FNBP1L: variants seen among roughly 807,000 people sequenced by gnomAD.
The protein encoded by FNBP1L is formin binding protein 1 like, also known as formin-binding protein 1-like.
FNBP1L carries 36 observed loss-of-function variants against 91.2 expected under a neutral mutation model. The ratio of observed to expected loss-of-function variants is 0.39; its 90% CI spans 0.30 to 0.52. The LOEUF (loss-of-function observed/expected upper bound fraction) is 0.52. FNBP1L is among the 20% of genes least tolerant of loss of function. The pLI is 0.66. For missense variants in FNBP1L, 571 were observed against 732.1 expected (o/e 0.78, Z 2.54); for synonymous variants, 242 against 237.0 (o/e 1.02, Z -0.19).
At chr1:93,550,880 T>C (rs1040276065) in intron 15 of FNBP1L, 67 bp from the exon 16 acceptor site, 6 of 1,366,796 alleles carry the variant, frequency 4.4e-6, no homozygotes, top group Non-Finnish European at 5.8e-6. Context: ...ATTTTGTGCA[T>C]TGTATTAGTA....
At chr1:93,482,243 A>C (rs1669733889) in intron 1 of FNBP1L, among the ~76,000 whole-genome samples, 1 of 152,128 alleles carries the variant, frequency 6.6e-6, no homozygotes, top group East Asian at 1.9e-4. Flanking sequence ...TGTTTGCCTT[A>C]TTTTCATTTC....
intron 1 of FNBP1L, among the ~76,000 whole-genome samples, chr1:93,474,974 T>C (rs1669440117): frequency 6.6e-6 from 1 of 152,160 alleles, no homozygotes; most frequent in South Asian, 2.1e-4. Flanking sequence ...AGTAGCACTG[T>C]GTCATGATAA....
chr1:93,478,034 C>CTGTGAATAATTCACACTGTGAAAACTG (rs1669557017), intron 1 of FNBP1L, among the ~76,000 whole-genome samples: 1 of 152,184 alleles, frequency 6.6e-6, no homozygotes, highest in Admixed American at 6.5e-5. Context: ...AATAAGCAAA[C>CTGTGAATAATTCACACTGTGAAAACTG]TGTGAATAAT....
At chr1:93,456,528 G>C (rs1668666578) in intron 1 of FNBP1L, among the ~76,000 whole-genome samples, 1 of 151,218 alleles carries the variant, frequency 6.6e-6, no homozygotes, top group Admixed American at 6.6e-5. Flanking sequence ...CCAGCACTTT[G>C]GGAGACCAGG....
At chr1:93,539,169 A>G (rs1276562483) in intron 10 of FNBP1L, among the ~76,000 whole-genome samples, 1 of 152,072 alleles carries the variant, frequency 6.6e-6, no homozygotes, top group African/African-American at 2.4e-5. Context: ...ATGACTTTAT[A>G]GACTTTCAGA....
intron 13 of FNBP1L, 48 bp downstream of exon 13, chr1:93,547,022 T>C (rs1369934199): frequency 6.5e-7 from 1 of 1,535,010 alleles, no homozygotes. Flanking sequence ...TTTTATAAAC[T>C]TCATTATGAT....
chr1:93,533,238 CA>C (rs1439383500), intron 8 of FNBP1L, among the ~76,000 whole-genome samples, 170 bp downstream of exon 8: 2 of 150,922 alleles, frequency 1.3e-5, no homozygotes, highest in African/African-American at 4.9e-5. Context: ...ATTCATTCTA[CA>C]TGCAAAAGTT....
At chr1:93,514,130 A>G (rs1670975495) in intron 2 of FNBP1L, among the ~76,000 whole-genome samples, 1 of 152,074 alleles carries the variant, frequency 6.6e-6, no homozygotes, top group African/African-American at 2.4e-5. Flanking sequence ...CCAACAACAG[A>G]CAGAGAGCCA....
chr1:93,506,317 G>A (rs1670610686), intron 2 of FNBP1L, among the ~76,000 whole-genome samples: 1 of 152,070 alleles, frequency 6.6e-6, no homozygotes, highest in Non-Finnish European at 1.5e-5. Context: ...TTCTCCATGT[G>A]GCAGGAAATA....
chr1:93,484,080 C>T (rs1339533608), intron 1 of FNBP1L, among the ~76,000 whole-genome samples: 2 of 152,214 alleles, frequency 1.3e-5, no homozygotes, highest in African/African-American at 4.8e-5. Context: ...AGGCGTGCGC[C>T]ACCATGCCCG....
Position 93,550,410 on chromosome 1 carries a change from G to A in FNBP1L, c.1652-537G>A, listed in dbSNP as rs556678640. Among the ~76,000 whole-genome samples, 27 of 152,278 alleles carry A rather than the reference G, an allele frequency of 1.8e-4. 1 individual carries two copies. In the South Asian group the frequency reaches 5.6e-3, roughly 32 times the overall value. ...AAATGAAGATTCAGTTGTGAAAATT[G>A]TTACTGCTAAGCAGGTTGGGCGTGG... On this transcript the variant is annotated intron_variant, in intron 15 of 16. Transcript: ENST00000271234.
At chr1:93,532,538 AAG>A (rs1491195261) in intron 7 of FNBP1L, among the ~76,000 whole-genome samples, 1 of 151,366 alleles carries the variant, frequency 6.6e-6, no homozygotes, top group Non-Finnish European at 1.5e-5. Context: ...AAAAAAAAAA[AAG>A]CACCAGAATT....
intron 1 of FNBP1L, among the ~76,000 whole-genome samples, chr1:93,476,384 G>T (rs1669495180): frequency 6.6e-6 from 1 of 152,148 alleles, no homozygotes; most frequent in Admixed American, 6.5e-5. Flanking sequence ...GAGATTAAAT[G>T]AGATAATATA....
intron 1 of FNBP1L, among the ~76,000 whole-genome samples, chr1:93,484,158 A>T (rs2101710858): frequency 1.3e-5 from 2 of 152,158 alleles, no homozygotes; most frequent in East Asian, 3.9e-4. Flanking sequence ...CAAACTCCTG[A>T]CCTTGTGATC....
At chr1:93,536,295 T>C in intron 9 of FNBP1L, 37 bp from the exon 10 acceptor site, 1 of 1,384,382 alleles carries the variant, frequency 7.2e-7, no homozygotes, top group Non-Finnish European at 9.4e-7. Flanking sequence ...ACTATGCACA[T>C]TTGGCTTATT....
chr1:93,463,546 A>G (rs1668970467), intron 1 of FNBP1L, among the ~76,000 whole-genome samples: 1 of 152,146 alleles, frequency 6.6e-6, no homozygotes, highest in Non-Finnish European at 1.5e-5. Context: ...TGATGCCTCC[A>G]AATCTAATCC....
At chr1:93,502,531 GC>G (rs1474144841) in intron 2 of FNBP1L, among the ~76,000 whole-genome samples, 5 of 152,254 alleles carry the variant, frequency 3.3e-5, no homozygotes, top group Admixed American at 3.3e-4. Context: ...AGACTTGTTT[GC>G]CTTCTCTCTG....
At chr1:93,498,119 A>T (rs925550122) in intron 1 of FNBP1L, among the ~76,000 whole-genome samples, 1 of 152,012 alleles carries the variant, frequency 6.6e-6, no homozygotes, top group Non-Finnish European at 1.5e-5. Context: ...TTTTTTACTG[A>T]TGGGGTTTGG....
chr1:93,543,035 C>T (rs1672103852), intron 11 of FNBP1L, among the ~76,000 whole-genome samples: 1 of 152,154 alleles, frequency 6.6e-6, no homozygotes, highest in East Asian at 1.9e-4. Context: ...CTTAGGTGAT[C>T]CACCCGCCTC....
Sources: allele counts gnomAD v4.1 joint callset (sites outside exome capture counted in the v4.1 genomes callset), GRCh38; gene constraint gnomAD v4.1.1; transcripts MANE v1.5; gene names NCBI Gene and HGNC (gene_info 2026-07-23, HGNC 2026-07-21).